Variants in DYNC2H1 observed in about 807,000 individuals in gnomAD.
The protein encoded by DYNC2H1 is cytoplasmic dynein 2 heavy chain 1.
In DYNC2H1, 410 loss-of-function variants were observed where a neutral mutation model predicts 570.0. That is an observed-to-expected ratio of 0.72 (90% CI 0.66 to 0.78). The LOEUF is 0.78. Among genes scored for constraint, DYNC2H1 ranks in the 30% least tolerant of loss-of-function variants. The pLI is 0.00. For missense variants in DYNC2H1, 4,865 were observed against 5,046.4 expected, an observed-to-expected ratio of 0.96 and a Z score of 1.09; for synonymous variants, 1,688 against 1,677.6, an observed-to-expected ratio of 1.01 and a Z score of -0.15.
intron 47 of DYNC2H1, among the ~76,000 whole-genome samples, chr11:103,197,677 A>T (rs1862555748): frequency 6.6e-6 from 1 of 152,078 alleles, no homozygotes; most frequent in Non-Finnish European, 1.5e-5. Flanking sequence ...TGACCTCCTG[A>T]GCTGAAGTAA....
chr11:103,119,195 A>G (rs1823859069), intron 6 of DYNC2H1, among the ~76,000 whole-genome samples: 1 of 152,188 alleles, frequency 6.6e-6, no homozygotes, highest in African/African-American at 2.4e-5. Context: ...TGATAGTGTC[A>G]TTATGAACCC....
rs762414712 is a variant in DYNC2H1 at position 103,310,839 on chromosome 11, C to T, written c.11494-1039C>T. Among the ~76,000 whole-genome samples the T allele has an allele frequency of 6.5e-4, 98 of 151,528 alleles. No individual in the cohort carries two copies. In the Middle Eastern group the frequency reaches 0.01, roughly 16 times the overall value. ...CTGAGCAGCTGCGATTACAAGTGTG[C>T]ACCACCACACCTGGCTAATTTTTTA... On this transcript the variant is annotated intron_variant, in intron 78 of 88. Coordinates refer to ENST00000375735, the MANE Select transcript of DYNC2H1 (RefSeq NM_001377.3).
chr11:103,286,354 A>G lies in DYNC2H1; in HGVS notation c.10990A>G (p.Ile3664Val), dbSNP rs1866352347. 1.9e-6 allele frequency: 3 copies of G among 1,612,968 alleles called. No homozygotes were observed. The highest frequency in any genetic ancestry group is 2.5e-6 in the Non-Finnish European group (3 of 1,179,626). The change falls in exon 74 of 89, where the codon ATC (isoleucine) becomes GTC (valine). Residue 3664 changes from isoleucine to valine, a missense_variant. By Grantham distance (29) the Ile-to-Val change is conservative. Around this residue, in one of 5 missense-constraint regions of DYNC2H1, gnomAD observed 2,401 missense variants for 2,454.6 expected, o/e 0.98. Transcript: ENST00000375735. ...AATGTGTGAGCAAGAGTTTCCATCT[A>G]TCCTTGCAAAGAAAGTTTCCTTATT... Reference protein sequence around the residue: ...NSMCEQEFPSILAKKVSLFQQ... With the variant: ...NSMCEQEFPSVLAKKVSLFQQ...
chr11:103,109,851 C>G, intron 1 of DYNC2H1, 82 bp downstream of exon 1: 1 of 1,402,838 alleles, frequency 7.1e-7, no homozygotes, highest in South Asian at 1.4e-5. Flanking sequence ...GGGTCACACT[C>G]TTTAGCTTTA....
At chr11:103,322,888 G>A (rs543327965) in intron 81 of DYNC2H1, among the ~76,000 whole-genome samples, 73 of 152,226 alleles carry the variant, frequency 4.8e-4, no homozygotes, top group Middle Eastern at 3.4e-3. Flanking sequence ...ACATTTATAC[G>A]TATATATTGT....
intron 60 of DYNC2H1, among the ~76,000 whole-genome samples, chr11:103,231,655 A>G (rs780730465): frequency 6.6e-6 from 1 of 152,044 alleles, no homozygotes; most frequent in African/African-American, 2.4e-5. Flanking sequence ...AAATATTGGT[A>G]TGGGAATTAT....
rs541545570 is a variant in DYNC2H1 at position 103,347,428 on chromosome 11, T to C, written c.12040-10815T>C. On this transcript the variant is annotated intron_variant, in intron 82 of 88. Transcript: ENST00000375735. ...TAATGGCATTATAGTAGTTATATCA[T>C]TTTTTTTTTCTTTAGAGATACATAC... Among the ~76,000 whole-genome samples, 5 of 92,106 alleles carry C rather than the reference T, an allele frequency of 5.4e-5. No homozygotes were observed. In the South Asian group the frequency reaches 1.1e-3, roughly 19 times the overall value. The allele number at this position is 92,106 out of a possible 152,430, so 60.4% of individuals were successfully genotyped here.
chr11:103,311,677 GTATT>G lies in DYNC2H1; in HGVS notation c.11494-197_11494-194del, dbSNP rs141682906. 0.16 allele frequency among the ~76,000 whole-genome samples: 24,756 copies of G among 151,836 alleles called. 2,515 individuals carry two copies. The highest frequency in any genetic ancestry group is 0.23 in the Non-Finnish European group (15,902 of 67,872). On this transcript the variant is annotated intron_variant, in intron 78 of 88. Transcript: ENST00000375735. ...ATTTTTAAATTTGAATAATTATTCTGTATTTATATTTGAGATGAACTGTTAGATA... is the reference window on the plus strand; with the variant it reads ...ATTTTTAAATTTGAATAATTATTCTGTATATTTGAGATGAACTGTTAGATA...
chr11:103,292,727 C>T (rs977210007), intron 75 of DYNC2H1, among the ~76,000 whole-genome samples: 4 of 152,216 alleles, frequency 2.6e-5, no homozygotes, highest in Non-Finnish European at 5.9e-5. Context: ...TCCCTACTCT[C>T]TCTTGCTCCT....
chr11:103,121,347 C>A, intron 9 of DYNC2H1, 25 bp from the exon 10 acceptor site: 1 of 1,565,684 alleles, frequency 6.4e-7, no homozygotes, highest in South Asian at 1.2e-5. Context: ...TCTTTGTAAT[C>A]ATTTATTTGA....
chr11:103,305,768 A>G lies in DYNC2H1; in HGVS notation c.11382+1048A>G, dbSNP rs2135401892. Among the ~76,000 whole-genome samples the G allele has an allele frequency of 6.6e-6, 1 of 152,288 alleles. No individual in the cohort carries two copies. The highest frequency in any genetic ancestry group is 2.1e-4 in the South Asian group (1 of 4,828). On this transcript the variant is annotated intron_variant, in intron 77 of 88. Transcript: ENST00000375735. The surrounding 1 kb of genome is among the most constrained non-coding windows in gnomAD (Gnocchi z 4.3). ...GAGTGAGTGAATGAGTTGATGGACC[A>G]TGGTGATTCGTGATTCATTACTTGT...
At chr11:103,381,389 A>G (rs1278396481) in intron 83 of DYNC2H1, among the ~76,000 whole-genome samples, 1 of 152,190 alleles carries the variant, frequency 6.6e-6, no homozygotes, top group Non-Finnish European at 1.5e-5. Flanking sequence ...CTGGCATAAC[A>G]AGCACTAGTA....
intron 55 of DYNC2H1, among the ~76,000 whole-genome samples, chr11:103,219,353 C>G (rs1729028695): frequency 1.3e-5 from 1 of 77,816 alleles, no homozygotes. Flanking sequence ...GTGGCTCACG[C>G]CAGTAATCCC....
chr11:103,140,449 T>C (rs549083085), intron 17 of DYNC2H1, among the ~76,000 whole-genome samples: 2 of 152,202 alleles, frequency 1.3e-5, no homozygotes, highest in South Asian at 4.2e-4. Flanking sequence ...TGTAAAGTAT[T>C]TTATTTCTCC....
At chr11:103,331,348 C>A (rs1263715336) in intron 82 of DYNC2H1, among the ~76,000 whole-genome samples, 1 of 151,988 alleles carries the variant, frequency 6.6e-6, no homozygotes, top group African/African-American at 2.4e-5. Flanking sequence ...TTTTTTGTAC[C>A]AGAAACCTTG....
At position 103,203,659 on chromosome 11, in the gene DYNC2H1, G is replaced by A. The variant is rs758466565; in HGVS notation, c.8198-4G>A. 1.3e-6 allele frequency: 2 copies of A among 1,558,600 alleles called. No individual in the cohort carries two copies. The highest frequency in any genetic ancestry group is 2.4e-5 in the South Asian group (2 of 83,248). On this transcript the variant is annotated splice_region_variant and splice_polypyrimidine_tract_variant and intron_variant, in intron 50 of 88. Transcript: ENST00000375735. This position sits in a 1 kb window ranked among gnomAD's most constrained non-coding sequence, Gnocchi z 4.7. ...TTTTCAATTAGTCTAATATTTTTCT[G>A]TAGGTGAAGTTCCTGGACTCTATAC...
intron 59 of DYNC2H1, among the ~76,000 whole-genome samples, chr11:103,229,753 C>A (rs1349043567): frequency 6.6e-6 from 1 of 152,056 alleles, no homozygotes; most frequent in Admixed American, 6.6e-5. Flanking sequence ...CTTCAGGTTT[C>A]TAGAACACAT....
At chr11:103,426,020 A>T (rs1943658208) in intron 84 of DYNC2H1, among the ~76,000 whole-genome samples, 1 of 152,120 alleles carries the variant, frequency 6.6e-6, no homozygotes, top group Non-Finnish European at 1.5e-5. Flanking sequence ...TTGTGGGTTT[A>T]CCAGAATGAG....
At chr11:103,198,434 A>C (rs1862586415) in intron 48 of DYNC2H1, among the ~76,000 whole-genome samples, 1 of 152,132 alleles carries the variant, frequency 6.6e-6, no homozygotes, top group Non-Finnish European at 1.5e-5. Context: ...TCATTAGGTG[A>C]CCCAGGTAGT....
Sources: gnomAD v4.1 joint callset for allele counts (sites outside exome capture counted in the v4.1 genomes callset) on GRCh38, gnomAD v4.1.1 for gene constraint, gnomAD v4.1.1 regional missense constraint, Gnocchi (gnomAD v3.1) non-coding constraint, MANE v1.5 for transcripts, NCBI Gene and HGNC (gene_info 2026-07-23, HGNC 2026-07-21) for gene names.